TRPM7: variants seen among roughly 807,000 people sequenced by gnomAD.
TRPM7 encodes transient receptor potential cation channel subfamily M member 7, also known as LTRPC ion channel family member 7.
In TRPM7, 134 loss-of-function variants were observed where a neutral mutation model predicts 229.7. The observed-to-expected ratio is 0.58, with a 90% CI of 0.51 to 0.67. The LOEUF (loss-of-function observed/expected upper bound fraction) is 0.67. TRPM7 is among the 30% of genes least tolerant of loss of function. The probability of loss-of-function intolerance (pLI) is 0.00; values close to 1 mark genes in which losing one functional copy is unlikely to be tolerated. For synonymous variants in TRPM7, 699 were observed against 715.2 expected (o/e 0.98, Z 0.36); for missense variants, 1,901 against 2,210.0 (o/e 0.86, Z 2.80).
At chr15:50,607,770 G>A (rs1014663670) in intron 19 of TRPM7, among the ~76,000 whole-genome samples, 7 of 151,612 alleles carry the variant, frequency 4.6e-5, no homozygotes, top group African/African-American at 7.3e-5. Flanking sequence ...ACTGGGGCAC[G>A]CCGCGGTGGC....
At chr15:50,613,047 T>C (rs2060106993) in intron 15 of TRPM7, among the ~76,000 whole-genome samples, 1 of 152,222 alleles carries the variant, frequency 6.6e-6, no homozygotes, top group South Asian at 2.1e-4. Context: ...TTCCAAAATT[T>C]AAGGGCCTAA....
At chr15:50,678,541 T>TATAC (rs1555435974) in intron 1 of TRPM7, among the ~76,000 whole-genome samples, 4 of 136,540 alleles carry the variant, frequency 2.9e-5, no homozygotes, top group Non-Finnish European at 6.1e-5. Context: ...TATATATATA[T>TATAC]ACACACACAC....
At chr15:50,626,911 C>T (rs190190162) in intron 11 of TRPM7, among the ~76,000 whole-genome samples, 51 of 152,126 alleles carry the variant, frequency 3.4e-4, no homozygotes, top group African/African-American at 1.2e-3. Context: ...CTATTAACTA[C>T]ACAGTACATG....
chr15:50,560,392 C>T lies in TRPM7; in HGVS notation c.*1286G>A, dbSNP rs759365808. On this transcript the variant is annotated 3_prime_UTR_variant, in exon 39 of 39. Transcript: ENST00000646667. Reference sequence around the variant, plus strand: ...AATACACTTTTTCTTTCTCCCCACCCCCAATCAATATTAAACACTATTTAA... The same window carrying T: ...AATACACTTTTTCTTTCTCCCCACCTCCAATCAATATTAAACACTATTTAA... 6.6e-6 allele frequency: 1 copy of T among 152,398 alleles called. No homozygotes were observed. Among genetic ancestry groups the T allele is most frequent in the Admixed American group, 6.6e-5 (1 of 15,264 alleles). 9.4% of individuals were successfully genotyped at this position (152,398 alleles called of 1,614,324 possible). A position where few individuals can be genotyped will look rare whatever the true frequency, so the allele number is the denominator to read the frequency against.
intron 1 of TRPM7, among the ~76,000 whole-genome samples, chr15:50,676,320 A>T (rs539360910): frequency 6.6e-6 from 1 of 152,260 alleles, no homozygotes; most frequent in South Asian, 2.1e-4. Context: ...TTTAACAAAT[A>T]CATTCTATGA....
At chr15:50,659,684 T>C (rs559409826) in intron 2 of TRPM7, among the ~76,000 whole-genome samples, 17 of 152,116 alleles carry the variant, frequency 1.1e-4, no homozygotes, top group South Asian at 4.2e-4. Context: ...TCTTTTTTTT[T>C]TGAGATGGAG....
chr15:50,678,252 C>CA (rs2062144575), intron 1 of TRPM7, among the ~76,000 whole-genome samples: 2 of 110,468 alleles, frequency 1.8e-5, no homozygotes, highest in Admixed American at 1.1e-4. Flanking sequence ...AAAAAAAAAA[C>CA]AAAAACAAAA....
intron 16 of TRPM7, 79 bp downstream of exon 16, chr15:50,612,470 A>C (rs1382770896): frequency 1.6e-6 from 2 of 1,225,170 alleles, no homozygotes; most frequent in Non-Finnish European, 1.2e-6. Flanking sequence ...ACCATTAAGT[A>C]CGTGGCACTG....
chr15:50,592,485 A>T lies in TRPM7; in HGVS notation c.3750T>A (p.Thr1250=), dbSNP rs2059531125. Residue 1250 remains threonine, a synonymous_variant, in exon 26 of 39, where the codon ACT becomes ACA. Coordinates refer to ENST00000646667, the MANE Select transcript of TRPM7 (RefSeq NM_017672.6). The part of the protein sequence containing the change: ...ALTVDTLKTL[T]AQKASEASKV... ...TGCTAGCTTCCGACGCTTTCTGGGCAGTGAGTGTTTTTAATGTATCTACCG... is the reference window on the plus strand; with the variant it reads ...TGCTAGCTTCCGACGCTTTCTGGGCTGTGAGTGTTTTTAATGTATCTACCG... 2 of 1,614,042 alleles carry T rather than the reference A, an allele frequency of 1.2e-6. No individual in the cohort carries two copies. Among genetic ancestry groups the T allele is most frequent in the South Asian group, 1.1e-5 (1 of 91,084 alleles).
At chr15:50,576,360 T>C (rs1226462070) in intron 31 of TRPM7, among the ~76,000 whole-genome samples, 1 of 152,176 alleles carries the variant, frequency 6.6e-6, no homozygotes, top group African/African-American at 2.4e-5. Context: ...GTGTGTGGAA[T>C]TGACCTTTAA....
At chr15:50,611,054 T>C (rs776797301) in intron 17 of TRPM7, 39 bp downstream of exon 17, 2 of 1,484,922 alleles carry the variant, frequency 1.3e-6, no homozygotes, top group African/African-American at 2.8e-5. Context: ...TCTTTTTATC[T>C]AATCACATGC....
At chr15:50,671,971 T>C (rs11070804) in intron 1 of TRPM7, among the ~76,000 whole-genome samples, 22,197 of 148,476 alleles carry the variant, frequency 0.15, 2,187 homozygotes, top group Admixed American at 0.29. Context: ...TTTGTAATAA[T>C]AAATGACTAT....
chr15:50,597,399 T>A (rs561778314), intron 22 of TRPM7, among the ~76,000 whole-genome samples: 5 of 152,370 alleles, frequency 3.3e-5, no homozygotes, highest in African/African-American at 1.2e-4. Context: ...AAAAAGTATA[T>A]GCATCAATGA....
rs2054027536 is a variant in TRPM7, at chr15:50,574,176, G to T, written c.5308+98C>A. On this transcript the variant is annotated intron_variant, in intron 36 of 38. Coordinates refer to ENST00000646667, the MANE Select transcript of TRPM7 (RefSeq NM_017672.6). ...TTTTTTATAGCTTCTATTGGCCTAAGATTTTATTTATCTATAAATTAGCAG... is the reference window on the plus strand; with the variant it reads ...TTTTTTATAGCTTCTATTGGCCTAATATTTTATTTATCTATAAATTAGCAG... 4 of 985,380 alleles carry T rather than the reference G, an allele frequency of 4.1e-6. No individual in the cohort carries two copies. The East Asian group carries it at 9.9e-5, about 24-fold the overall frequency. 61.0% of individuals were successfully genotyped at this position (985,380 alleles called of 1,614,324 possible).
intron 4 of TRPM7, among the ~76,000 whole-genome samples, chr15:50,643,782 AT>A (rs1440699666): frequency 6.6e-6 from 1 of 152,208 alleles, no homozygotes; most frequent in Admixed American, 6.5e-5. Flanking sequence ...ACTTTTAAAC[AT>A]TTAGACACAA....
In TRPM7 at chr15:50,686,606, C is replaced by T; in HGVS notation, c.-73G>A. 1 of 1,582,118 alleles carries T rather than the reference C, an allele frequency of 6.3e-7. No individual in the cohort carries two copies. Among genetic ancestry groups the T allele is most frequent in the Non-Finnish European group, 8.6e-7 (1 of 1,165,380 alleles). ...TCCTCCGCGGCCTGTAGCCATCTAT[C>T]GGGAAGCGTCTCCGGAGGCGGCAGC... On this transcript the variant is annotated 5_prime_UTR_variant, in exon 1 of 39. Coordinates refer to ENST00000646667, the MANE Select transcript of TRPM7 (RefSeq NM_017672.6).
intron 3 of TRPM7, among the ~76,000 whole-genome samples, chr15:50,655,456 C>A (rs12911887): frequency 0.15 from 19,054 of 128,316 alleles, 1,581 homozygotes; most frequent in Admixed American, 0.23. Flanking sequence ...AACAAAAAAA[C>A]AAAAAACCTT....
chr15:50,649,030 G>C (rs1054060409), intron 3 of TRPM7, 145 bp from the exon 4 acceptor site: 1 of 522,870 alleles, frequency 1.9e-6, no homozygotes, highest in African/African-American at 2.0e-5. Context: ...TTGATTTTAG[G>C]ATATCTATAT....
chr15:50,564,726 A>T (rs983212811), intron 38 of TRPM7, among the ~76,000 whole-genome samples: 1 of 152,154 alleles, frequency 6.6e-6, no homozygotes, highest in Non-Finnish European at 1.5e-5. Flanking sequence ...ACTGAATCAT[A>T]AACTGTTAAT....
Sources: gnomAD v4.1 joint callset for allele counts (sites outside exome capture counted in the v4.1 genomes callset) on GRCh38, gnomAD v4.1.1 for gene constraint, MANE v1.5 for transcripts, NCBI Gene and HGNC (gene_info 2026-07-23, HGNC 2026-07-21) for gene names.